Variants in DYNC1H1 observed in about 807,000 individuals in gnomAD.
The protein encoded by DYNC1H1 is cytoplasmic dynein 1 heavy chain 1.
In DYNC1H1, 51 loss-of-function variants were observed where a neutral mutation model predicts 527.1. The observed-to-expected ratio is 0.10, with a 90% CI of 0.08 to 0.12. The LOEUF (loss-of-function observed/expected upper bound fraction) is 0.12. Among genes scored for constraint, DYNC1H1 ranks in the 10% least tolerant of loss-of-function variants. The pLI is 1.00. For missense variants in DYNC1H1, 2,771 were observed against 5,971.8 expected (o/e 0.46, Z 17.66); for synonymous variants, 2,189 against 2,278.8 (o/e 0.96, Z 1.12).
chr14:101,965,028 T>A lies in DYNC1H1; in HGVS notation c.256+81T>A, dbSNP rs576423458. On this transcript the variant is annotated intron_variant, in intron 1 of 77. Transcript: ENST00000360184. This position sits in a 1 kb window ranked among gnomAD's most constrained non-coding sequence, Gnocchi z 4.1. ...CTGCCAGGTCCTCCGGGGTCGCAGA[T>A]GTCCCCGGGATGGGAGGAGCCCGGC... 6.9e-7 allele frequency: 1 copy of A among 1,447,044 alleles called. No individual in the cohort carries two copies. Among genetic ancestry groups the A allele is most frequent in the African/African-American group, 1.4e-5 (1 of 70,504 alleles). The allele number at this position is 1,447,044 out of a possible 1,614,324, so 89.6% of individuals were successfully genotyped here.
intron 24 of DYNC1H1, 22 bp downstream of exon 24, chr14:102,004,705 T>C: frequency 6.2e-7 from 1 of 1,614,188 alleles, no homozygotes; most frequent in Non-Finnish European, 8.5e-7. Context: ...TTCGTAACTT[T>C]TAAAACTTCT....
At chr14:102,045,745 A>G (rs536520226) in intron 72 of DYNC1H1, among the ~76,000 whole-genome samples, 20 of 152,150 alleles carry the variant, frequency 1.3e-4, no homozygotes, top group Admixed American at 9.2e-4. Flanking sequence ...TCACTTACTT[A>G]CAAGATGTTT....
At position 102,038,384 on chromosome 14, in the gene DYNC1H1, G is replaced by A. The variant is rs557552047; in HGVS notation, c.10909-76G>A. On this transcript the variant is annotated intron_variant, in intron 57 of 77. Transcript: ENST00000360184. The surrounding 1 kb of genome is among the most constrained non-coding windows in gnomAD (Gnocchi z 7.2). The stretch of plus-strand genomic sequence containing the variant: ...TGGGAAGGTATGCTTATCCAGAGTA[G>A]GACAGCAACATAGCATTTGGGTGAA... 2 of 1,588,248 alleles carry A rather than the reference G, an allele frequency of 1.3e-6. No homozygotes were observed. The highest frequency in any genetic ancestry group is 2.3e-5 in the East Asian group (1 of 43,728).
intron 73 of DYNC1H1, chr14:102,048,243 G>A (rs909841178): frequency 2.7e-6 from 2 of 737,482 alleles, no homozygotes. Context: ...AAGATTGTGA[G>A]ATAGGCAGAC....
At chr14:102,030,420 C>T in intron 51 of DYNC1H1, 138 bp downstream of exon 51, 1 of 1,311,046 alleles carries the variant, frequency 7.6e-7, no homozygotes, top group Non-Finnish European at 1.1e-6. Flanking sequence ...TAGTAACCAT[C>T]TGAAGCTTTT....
At chr14:101,974,933 T>C (rs770680498) in intron 1 of DYNC1H1, among the ~76,000 whole-genome samples, 5 of 152,208 alleles carry the variant, frequency 3.3e-5, no homozygotes, top group Admixed American at 2.0e-4. Context: ...GGAAGATACA[T>C]TCATAAGTCA....
In DYNC1H1 at chr14:102,015,339, C is replaced by A; in HGVS notation, c.7242+7C>A. ...CGCTTCCCCCATGCTGCAGGTACGC[C>A]CAGGTGGGACCCCACATATCATGAC... is the stretch of plus-strand genomic sequence containing the variant. On this transcript the variant is annotated splice_region_variant and intron_variant, in intron 35 of 77. Coordinates refer to ENST00000360184, the MANE Select transcript of DYNC1H1 (RefSeq NM_001376.5). This position sits in a 1 kb window ranked among gnomAD's most constrained non-coding sequence, Gnocchi z 6.9. 6.2e-7 allele frequency: 1 copy of A among 1,605,574 alleles called. No individual in the cohort carries two copies. Among genetic ancestry groups the A allele is most frequent in the Non-Finnish European group, 8.5e-7 (1 of 1,175,524 alleles).
rs1185838876 is a variant in DYNC1H1 at position 102,018,072 on chromosome 14, C to G, written c.8178-379C>G. 3 of 251,856 alleles carry G rather than the reference C, an allele frequency of 1.2e-5. No individual in the cohort carries two copies. The highest frequency in any genetic ancestry group is 2.3e-5 in the Non-Finnish European group (3 of 127,732). The allele number at this position is 251,856 out of a possible 1,614,324, so 15.6% of individuals were successfully genotyped here. On this transcript the variant is annotated intron_variant, in intron 40 of 77. Transcript: ENST00000360184. This position sits in a 1 kb window ranked among gnomAD's most constrained non-coding sequence, Gnocchi z 5.2. ...AGTGAGCTGAGATCGCACCACTGCACTCCAGCCTGGGCAACAGAGCAAGAC... is the reference window on the plus strand; with the variant it reads ...AGTGAGCTGAGATCGCACCACTGCAGTCCAGCCTGGGCAACAGAGCAAGAC...
chr14:102,026,741 G>C, intron 44 of DYNC1H1, 34 bp downstream of exon 44: 1 of 1,607,660 alleles, frequency 6.2e-7, no homozygotes, highest in Non-Finnish European at 8.5e-7. Context: ...CCCACCTCTC[G>C]CCTAAGCTGC....
At chr14:101,967,120 T>A (rs1244361968) in intron 1 of DYNC1H1, among the ~76,000 whole-genome samples, 2 of 152,216 alleles carry the variant, frequency 1.3e-5, no homozygotes, top group Non-Finnish European at 2.9e-5. Flanking sequence ...TCCAGTTTTA[T>A]GATAGATGGT....
At chr14:101,970,473 GTTT>G (rs958653217) in intron 1 of DYNC1H1, among the ~76,000 whole-genome samples, 5 of 81,468 alleles carry the variant, frequency 6.1e-5, no homozygotes, top group African/African-American at 1.8e-4. Flanking sequence ...GTTTGTTGTT[GTTT>G]TTTTTTTTTT....
At chr14:102,008,053 G>A (rs542051841) in intron 28 of DYNC1H1, 125 bp from the exon 29 acceptor site, 12 of 1,355,486 alleles carry the variant, frequency 8.9e-6, no homozygotes, top group African/African-American at 2.9e-5. Context: ...GTCCTTACAC[G>A]CTCTTTCGCT....
rs1270010654 is a variant in DYNC1H1, at chr14:102,033,951, G to T, written c.10414-25G>T. On this transcript the variant is annotated intron_variant, in intron 54 of 77. Coordinates refer to ENST00000360184, the MANE Select transcript of DYNC1H1 (RefSeq NM_001376.5). This position sits in a 1 kb window ranked among gnomAD's most constrained non-coding sequence, Gnocchi z 5.6. ...AAATCCTGAAAGGCCTCATCCCTGA[G>T]CATCTTGTTCGGTTTTCCTTTTAGG... 2 of 1,612,532 alleles carry T rather than the reference G, an allele frequency of 1.2e-6. No individual in the cohort carries two copies. Among genetic ancestry groups the T allele is most frequent in the South Asian group, 1.1e-5 (1 of 90,876 alleles).
chr14:102,027,072 C>T lies in DYNC1H1; in HGVS notation c.8772-102C>T, dbSNP rs532012717. The T allele has an allele frequency of 6.8e-6, 9 of 1,322,794 alleles. No individual in the cohort carries two copies. Among genetic ancestry groups the T allele is most frequent in the South Asian group, 5.9e-5 (5 of 84,652 alleles). The allele number at this position is 1,322,794 out of a possible 1,614,324, so 81.9% of individuals were successfully genotyped here. A position where few individuals can be genotyped will look rare whatever the true frequency, so the allele number is the denominator to read the frequency against. On this transcript the variant is annotated intron_variant, in intron 44 of 77. Coordinates refer to ENST00000360184, the MANE Select transcript of DYNC1H1 (RefSeq NM_001376.5). This position sits in a 1 kb window ranked among gnomAD's most constrained non-coding sequence, Gnocchi z 7.7. Reference sequence around the variant, plus strand: ...TCAGCAAATGTTTAATATACAAGTTCAAGTTAAAACATGTCCAAAATACTG... The same window carrying T: ...TCAGCAAATGTTTAATATACAAGTTTAAGTTAAAACATGTCCAAAATACTG...
rs2048654729 is a variant in DYNC1H1, at chr14:102,041,837, TCTC to T, written c.12102+109_12102+111del. The T allele has an allele frequency of 1.3e-6, 2 of 1,577,694 alleles. No homozygotes were observed. Among genetic ancestry groups the T allele is most frequent in the Non-Finnish European group, 1.7e-6 (2 of 1,156,950 alleles). On this transcript the variant is annotated intron_variant, in intron 65 of 77. Transcript: ENST00000360184. The surrounding 1 kb of genome is among the most constrained non-coding windows in gnomAD (Gnocchi z 4.5). ...CATCTGCTCTCACTCCGGGCTACAG[TCTC>T]CTCCTAAGACCAGGAACTCGCTGCA...
At chr14:102,043,827 G>A (rs371794044) in intron 69 of DYNC1H1, 48 bp from the exon 70 acceptor site, 89 of 1,613,518 alleles carry the variant, frequency 5.5e-5, no homozygotes, top group East Asian at 5.1e-4. Flanking sequence ...TGTTCTTGGC[G>A]AAGTGCTGTT....
At chr14:102,009,115 A>G (rs1171183888) in intron 29 of DYNC1H1, among the ~76,000 whole-genome samples, 1 of 152,092 alleles carries the variant, frequency 6.6e-6, no homozygotes, top group Non-Finnish European at 1.5e-5. Context: ...CAGCTGTCGG[A>G]GAGGCCCCAG....
Position 102,044,550 on chromosome 14 carries a change from C to A in DYNC1H1, c.12903-45C>A. The stretch of plus-strand genomic sequence containing the variant: ...TGATGTCAGGGCGTCTGGTGTCACT[C>A]AGAGGTGACCCCTGACATCATTTCC... On this transcript the variant is annotated intron_variant, in intron 71 of 77. Coordinates refer to ENST00000360184, the MANE Select transcript of DYNC1H1 (RefSeq NM_001376.5). This position sits in a 1 kb window ranked among gnomAD's most constrained non-coding sequence, Gnocchi z 7.1. 6.2e-7 allele frequency: 1 copy of A among 1,613,916 alleles called. No homozygotes were observed. Among genetic ancestry groups the A allele is most frequent in the South Asian group, 1.1e-5 (1 of 91,068 alleles).
Position 102,050,657 on chromosome 14 carries a change from A to T in DYNC1H1, c.*94A>T. ...TTGGAAGGTCTGAGCTTGTGAAAAG[A>T]AAGTGGTTGGTCTGAGGTTGGAGGA... On this transcript the variant is annotated 3_prime_UTR_variant, in exon 78 of 78. Transcript: ENST00000360184. 2 of 1,600,558 alleles carry T rather than the reference A, an allele frequency of 1.2e-6. No homozygotes were observed. Among genetic ancestry groups the T allele is most frequent in the South Asian group, 1.1e-5 (1 of 90,132 alleles).
Sources: gnomAD v4.1 joint callset for allele counts (sites outside exome capture counted in the v4.1 genomes callset) on GRCh38, gnomAD v4.1.1 for gene constraint, Gnocchi (gnomAD v3.1) non-coding constraint, MANE v1.5 for transcripts, NCBI Gene and HGNC (gene_info 2026-07-23, HGNC 2026-07-21) for gene names.